The following SLC24A3 variants were observed in gnomAD, a reference collection of about 807,000 sequenced individuals.
The protein encoded by SLC24A3 is sodium/potassium/calcium exchanger 3.
In SLC24A3, 28 loss-of-function variants were observed where a neutral mutation model predicts 75.8. The ratio of observed to expected loss-of-function variants is 0.37; its 90% CI spans 0.27 to 0.51. The LOEUF is 0.51. SLC24A3 is among the 20% of genes least tolerant of loss of function. The pLI is 0.94. For synonymous variants in SLC24A3, 372 were observed against 334.1 expected (o/e 1.11, Z -1.24); for missense variants, 663 against 847.8 (o/e 0.78, Z 2.71).
intron 1 of SLC24A3, among the ~76,000 whole-genome samples, chr20:19,245,648 C>CA (rs2122171476): frequency 6.6e-6 from 1 of 152,180 alleles, no homozygotes; most frequent in Non-Finnish European, 1.5e-5. Context: ...AACCAAAAGA[C>CA]ACCATTGGAT....
intron 1 of SLC24A3, among the ~76,000 whole-genome samples, chr20:19,225,110 A>G (rs1013842056): frequency 6.6e-6 from 1 of 152,218 alleles, no homozygotes; most frequent in Non-Finnish European, 1.5e-5. Context: ...GTAACCTCAT[A>G]TAACCATTAG....
In SLC24A3 at chr20:19,678,616, C is replaced by T. The variant is rs1385361739; in HGVS notation, c.768-3242C>T. 2.7e-4 allele frequency among the ~76,000 whole-genome samples: 38 copies of T among 141,552 alleles called. 1 individual carries two copies. Among genetic ancestry groups the T allele is most frequent in the African/African-American group, 9.5e-4 (36 of 37,948 alleles). 92.9% of individuals were successfully genotyped at this position (141,552 alleles called of 152,430 possible). A position where few individuals can be genotyped will look rare whatever the true frequency, so the allele number is the denominator to read the frequency against. On this transcript the variant is annotated intron_variant, in intron 9 of 16. Transcript: ENST00000328041. ...GCAGAGGCGCCCCTCACCTCCCGGACGGGGCGGCTGGCCCCGGGCGGGGGG... is the reference window on the plus strand; with the variant it reads ...GCAGAGGCGCCCCTCACCTCCCGGATGGGGCGGCTGGCCCCGGGCGGGGGG...
At position 19,269,572 on chromosome 20, in the gene SLC24A3, G is replaced by C. The variant is rs1160397319; in HGVS notation, c.143-11387G>C. 2.6e-5 allele frequency among the ~76,000 whole-genome samples: 4 copies of C among 152,180 alleles called. No homozygotes were observed. In the East Asian group the frequency reaches 7.7e-4, roughly 29 times the overall value. On this transcript the variant is annotated intron_variant, in intron 1 of 16. Transcript: ENST00000328041. Reference sequence around the variant, plus strand: ...CACCTGTTGCCATCTGCCCCCCTTTGCTCTTCCCTTTCCCCTTCTTTCCAG... The same window carrying C: ...CACCTGTTGCCATCTGCCCCCCTTTCCTCTTCCCTTTCCCCTTCTTTCCAG...
At position 19,288,729 on chromosome 20, in the gene SLC24A3, A is replaced by G. The variant is rs188504661; in HGVS notation, c.271+7642A>G. 1.5e-3 allele frequency among the ~76,000 whole-genome samples: 233 copies of G among 152,334 alleles called. 1 individual carries two copies. The highest frequency in any genetic ancestry group is 5.4e-3 in the African/African-American group (226 of 41,578). On this transcript the variant is annotated intron_variant, in intron 2 of 16. Transcript: ENST00000328041. ...AGAATTCAGAGTCATAAATGCAAAA[A>G]CAAACATAGGGATTATGGTTTCTAG...
At chr20:19,499,916 T>TTGTG (rs140581465) in intron 2 of SLC24A3, among the ~76,000 whole-genome samples, 3 of 151,494 alleles carry the variant, frequency 2.0e-5, no homozygotes, top group African/African-American at 7.3e-5. Context: ...GTTTGTGCAT[T>TTGTG]TGTGTGTGTG....
chr20:19,484,237 A>G (rs1988097614), intron 2 of SLC24A3, among the ~76,000 whole-genome samples: 5 of 152,196 alleles, frequency 3.3e-5, no homozygotes, highest in Admixed American at 3.3e-4. Context: ...ATGGGGCCCA[A>G]TTCTAAACAT....
rs571335987 is a variant in SLC24A3 at position 19,296,397 on chromosome 20, G to A, written c.271+15310G>A. On this transcript the variant is annotated intron_variant, in intron 2 of 16. Coordinates refer to ENST00000328041, the MANE Select transcript of SLC24A3 (RefSeq NM_020689.4). ...ATTTCTTGTCTTCTGCTAGCTTTGG[G>A]GTTTGTTTGCTCTTGGTTCTCTAGT... is the stretch of plus-strand genomic sequence containing the variant. 7.8e-4 allele frequency among the ~76,000 whole-genome samples: 117 copies of A among 149,758 alleles called. 1 individual carries two copies. Among genetic ancestry groups the A allele is most frequent in the African/African-American group, 2.8e-3 (114 of 40,850 alleles).
intron 13 of SLC24A3, chr20:19,695,362 TGACA>T (rs1450205744): frequency 6.6e-6 from 1 of 152,228 alleles, no homozygotes; most frequent in African/African-American, 2.4e-5. Flanking sequence ...TAAAATGACC[TGACA>T]GTTTCAACTC....
At chr20:19,275,953 C>G (rs1263198327) in intron 1 of SLC24A3, among the ~76,000 whole-genome samples, 1 of 152,170 alleles carries the variant, frequency 6.6e-6, no homozygotes, top group African/African-American at 2.4e-5. Context: ...CATGCAACTT[C>G]CAGGGCCTGG....
intron 7 of SLC24A3, among the ~76,000 whole-genome samples, chr20:19,662,447 G>A (rs2032337798): frequency 6.6e-6 from 1 of 152,234 alleles, no homozygotes; most frequent in Non-Finnish European, 1.5e-5. Flanking sequence ...CCTTCAGTAG[G>A]CTGCCTGCCT....
At chr20:19,598,390 C>CCGG (rs2031478100) in intron 6 of SLC24A3, among the ~76,000 whole-genome samples, 1 of 152,088 alleles carries the variant, frequency 6.6e-6, no homozygotes, top group Non-Finnish European at 1.5e-5. Flanking sequence ...TACCACGTGT[C>CCGG]CGGCTTTCAC....
chr20:19,495,025 A>G (rs1054395370), intron 2 of SLC24A3, among the ~76,000 whole-genome samples: 24 of 152,220 alleles, frequency 1.6e-4, no homozygotes, highest in Admixed American at 5.2e-4. Context: ...GGTGGATCCC[A>G]GGAGACCATG....
intron 6 of SLC24A3, among the ~76,000 whole-genome samples, chr20:19,636,135 A>G (rs1229415972): frequency 1.4e-5 from 2 of 138,638 alleles, no homozygotes; most frequent in African/African-American, 6.4e-5. Flanking sequence ...GCGAGACTCC[A>G]TCTCAAAAAA....
chr20:19,395,727 G>A (rs1986442638), intron 2 of SLC24A3, among the ~76,000 whole-genome samples: 2 of 152,214 alleles, frequency 1.3e-5, no homozygotes, highest in African/African-American at 4.8e-5. Context: ...GTATGAGTAG[G>A]AATTTTATAG....
At chr20:19,223,208 T>C (rs906642896) in intron 1 of SLC24A3, among the ~76,000 whole-genome samples, 2 of 152,050 alleles carry the variant, frequency 1.3e-5, no homozygotes, top group African/African-American at 4.8e-5. Flanking sequence ...AGGAGAATCA[T>C]TTGAACCCAG....
intron 2 of SLC24A3, among the ~76,000 whole-genome samples, chr20:19,319,995 TG>T (rs1984670850): frequency 6.6e-6 from 1 of 152,192 alleles, no homozygotes. Flanking sequence ...CTTCTAGACC[TG>T]CTCTACTTCT....
intron 2 of SLC24A3, among the ~76,000 whole-genome samples, chr20:19,293,958 C>T (rs1224178384): frequency 3.3e-5 from 5 of 152,104 alleles, no homozygotes; most frequent in Non-Finnish European, 7.3e-5. Context: ...CATGGGTCCT[C>T]AAGTCCCTGA....
intron 1 of SLC24A3, among the ~76,000 whole-genome samples, chr20:19,217,939 A>C (rs1018890493): frequency 2.0e-5 from 3 of 152,000 alleles, no homozygotes; most frequent in African/African-American, 7.3e-5. Context: ...CATTTATCAC[A>C]GTTGGTAATT....
chr20:19,254,296 G>T (rs1433928495), intron 1 of SLC24A3, among the ~76,000 whole-genome samples: 1 of 152,140 alleles, frequency 6.6e-6, no homozygotes, highest in Non-Finnish European at 1.5e-5. Flanking sequence ...CAAGTCACAG[G>T]CTCCACTGAA....
Sources: allele counts gnomAD v4.1 joint callset (sites outside exome capture counted in the v4.1 genomes callset), GRCh38; gene constraint gnomAD v4.1.1; transcripts MANE v1.5; gene names NCBI Gene and HGNC (gene_info 2026-07-23, HGNC 2026-07-21).